The following TNFAIP8 variants were observed in gnomAD, a reference collection of about 807,000 sequenced individuals.
TNFAIP8 encodes the protein tumor necrosis factor alpha-induced protein 8.
TNFAIP8 carries 7 observed loss-of-function variants against 13.3 expected under a neutral mutation model. That is an observed-to-expected ratio of 0.52 (90% confidence interval 0.30 to 0.99). The LOEUF (loss-of-function observed/expected upper bound fraction) is 0.99, where lower values mean the gene tolerates loss of function less well. Ranked by LOEUF, TNFAIP8 falls within the 50% of genes least tolerant of loss-of-function variation. The pLI, the probability that TNFAIP8 is intolerant of heterozygous loss-of-function variation, is 0.07. For missense variants in TNFAIP8, 258 were observed against 236.9 expected (o/e 1.09, Z -0.58); for synonymous variants, 94 against 87.6 (o/e 1.07, Z -0.41).
intron 1 of TNFAIP8, among the ~76,000 whole-genome samples, chr5:119,387,205 T>C (rs1024121640): frequency 1.3e-5 from 2 of 152,148 alleles, no homozygotes; most frequent in African/African-American, 4.8e-5. Flanking sequence ...TCGTTGTTTG[T>C]TCTGGCCACT....
intron 1 of TNFAIP8, among the ~76,000 whole-genome samples, chr5:119,283,501 T>A (rs1325679415): frequency 6.6e-6 from 1 of 152,134 alleles, no homozygotes; most frequent in African/African-American, 2.4e-5. Context: ...TAATGGTTCT[T>A]CCCTGATGGA....
chr5:119,281,361 A>G (rs1748625812), intron 1 of TNFAIP8, among the ~76,000 whole-genome samples: 1 of 130,978 alleles, frequency 7.6e-6, no homozygotes, highest in African/African-American at 2.7e-5. Context: ...AAGATAAAAT[A>G]CTTTGTGAGT....
At chr5:119,336,859 G>A (rs558204122) in intron 1 of TNFAIP8, among the ~76,000 whole-genome samples, 3 of 152,234 alleles carry the variant, frequency 2.0e-5, no homozygotes, top group South Asian at 4.2e-4. Flanking sequence ...ATGTGAACTC[G>A]CCACCAAGTA....
chr5:119,268,963 C>T (rs998063531), intron 1 of TNFAIP8: 2 of 669,026 alleles, frequency 3.0e-6, no homozygotes, highest in Non-Finnish European at 5.4e-6. Flanking sequence ...CCTCTCCCGC[C>T]GCTGGGCTGC....
intron 1 of TNFAIP8, chr5:119,316,346 A>C (rs1383487451): frequency 6.6e-6 from 1 of 152,018 alleles, no homozygotes; most frequent in Non-Finnish European, 1.5e-5. Context: ...TTTTTGTAAG[A>C]AACGGTTTCG....
At chr5:119,288,850 A>G (rs1748896634) in intron 1 of TNFAIP8, among the ~76,000 whole-genome samples, 1 of 152,248 alleles carries the variant, frequency 6.6e-6, no homozygotes, top group Non-Finnish European at 1.5e-5. Context: ...AGAGAAGGGC[A>G]TTTAAAATTA....
In TNFAIP8 at chr5:119,308,322, C is replaced by G. The variant is rs115754081; in HGVS notation, c.1+39415C>G. 6.7e-3 allele frequency among the ~76,000 whole-genome samples: 1,019 copies of G among 151,776 alleles called. 10 individuals are homozygous for G. Among genetic ancestry groups the G allele is most frequent in the African/African-American group, 0.023 (966 of 41,406 alleles). ...CTTGGTGTTGGCAAGTTTTGTCCCT[C>G]ACATCTGTTTCTCTCTTTCTGTTTA... is the stretch of plus-strand genomic sequence containing the variant. On this transcript the variant is annotated intron_variant, in intron 1 of 1. Transcript: ENST00000274456.
chr5:119,355,901 A>T (rs1427035394), upstream of TNFAIP8: 5 of 1,244,908 alleles, frequency 4.0e-6, no homozygotes, highest in Non-Finnish European at 2.0e-6. Flanking sequence ...GCGATTCGTC[A>T]CTCTTGCAGA....
intron 1 of TNFAIP8, among the ~76,000 whole-genome samples, chr5:119,300,152 A>T (rs539697638): frequency 6.6e-6 from 1 of 152,282 alleles, no homozygotes; most frequent in South Asian, 2.1e-4. Context: ...CCCTAATGAG[A>T]TGAACCTGGT....
At position 119,349,305 on chromosome 5, in the gene TNFAIP8, G is replaced by C. The variant is rs1425464031; in HGVS notation, c.2-43511G>C. Among the ~76,000 whole-genome samples the C allele has an allele frequency of 3.9e-5, 6 of 152,360 alleles. No individual in the cohort carries two copies. The East Asian group carries it at 1.2e-3, about 29-fold the overall frequency. On this transcript the variant is annotated intron_variant, in intron 1 of 1. Coordinates refer to the TNFAIP8 transcript ENST00000274456. The stretch of plus-strand genomic sequence containing the variant: ...TCATGATTATATTTGGAAAAGTGAA[G>C]AGGGGAACCTCATGATTTTCAGTGT...
intron 1 of TNFAIP8, among the ~76,000 whole-genome samples, chr5:119,299,035 C>A (rs1457872211): frequency 6.6e-6 from 1 of 152,134 alleles, no homozygotes; most frequent in South Asian, 2.1e-4. Context: ...TTTTTAACTT[C>A]TTTGCCTTTG....
rs1290844622 is a variant in TNFAIP8, at chr5:119,278,372, AGAGAGTGTGTGTGTGT to A, written c.1+9467_1+9482del. Among the ~76,000 whole-genome samples the A allele has an allele frequency of 6.7e-3, 840 of 124,952 alleles. 4 individuals are homozygous for A. Among genetic ancestry groups the A allele is most frequent in the African/African-American group, 0.03 (802 of 27,114 alleles). The allele number at this position is 124,952 out of a possible 152,430, so 82.0% of individuals were successfully genotyped here. A position where few individuals can be genotyped will look rare whatever the true frequency, so the allele number is the denominator to read the frequency against. ...AAGGGGGAGAGAGAGAGAGAGAGAG[AGAGAGTGTGTGTGTGT>A]GTGTGTGTGTGTGTGTGTGTGTGTG... is the stretch of plus-strand genomic sequence containing the variant. On this transcript the variant is annotated intron_variant, in intron 1 of 1. Coordinates refer to the TNFAIP8 transcript ENST00000274456.
At chr5:119,307,155 T>A (rs927384187) in intron 1 of TNFAIP8, among the ~76,000 whole-genome samples, 2 of 152,200 alleles carry the variant, frequency 1.3e-5, no homozygotes, top group Non-Finnish European at 2.9e-5. Flanking sequence ...AGGAGAGAAA[T>A]CTACTTCATT....
At chr5:119,337,046 A>T (rs545272681) in intron 1 of TNFAIP8, among the ~76,000 whole-genome samples, 2 of 152,352 alleles carry the variant, frequency 1.3e-5, no homozygotes, top group African/African-American at 4.8e-5. Context: ...TGCTAAGTAT[A>T]GAAGAAAATG....
intron 1 of TNFAIP8, among the ~76,000 whole-genome samples, chr5:119,288,112 G>GGT (rs1194093222): frequency 6.6e-6 from 1 of 152,182 alleles, no homozygotes; most frequent in Admixed American, 6.5e-5. Context: ...AGGTTATAGA[G>GGT]GTGTGTGTGA....
intron 1 of TNFAIP8, among the ~76,000 whole-genome samples, chr5:119,319,521 G>T (rs1456198359): frequency 6.6e-6 from 1 of 152,182 alleles, no homozygotes; most frequent in Admixed American, 6.5e-5. Context: ...TGTTGAGTGT[G>T]TGGTGTGTAT....
intron 1 of TNFAIP8, among the ~76,000 whole-genome samples, chr5:119,341,032 C>T (rs143684768): frequency 8.8e-4 from 133 of 151,092 alleles, no homozygotes; most frequent in African/African-American, 3.0e-3. Flanking sequence ...GTTTCAAAGC[C>T]GTAGACACCT....
chr5:119,339,419 C>CTACT (rs1750661541), intron 1 of TNFAIP8, among the ~76,000 whole-genome samples: 1 of 149,106 alleles, frequency 6.7e-6, no homozygotes, highest in Non-Finnish European at 1.5e-5. Flanking sequence ...GCTGTTGGGT[C>CTACT]AGCCACGATG....
chr5:119,300,474 A>T (rs1561990404), intron 1 of TNFAIP8, among the ~76,000 whole-genome samples: 1 of 152,166 alleles, frequency 6.6e-6, no homozygotes, highest in African/African-American at 2.4e-5. Flanking sequence ...GAGTAATGGA[A>T]TTTTTTTGCA....
Sources: allele counts gnomAD v4.1 joint callset (sites outside exome capture counted in the v4.1 genomes callset), GRCh38; gene constraint gnomAD v4.1.1; transcripts MANE v1.5; gene names NCBI Gene and HGNC (gene_info 2026-07-23, HGNC 2026-07-21).